MAN1B1: variants seen among roughly 807,000 people sequenced by gnomAD.
MAN1B1 encodes mannosidase alpha class 1B member 1, also known as endoplasmic reticulum mannosyl-oligosaccharide 1,2-alpha-mannosidase.
In MAN1B1, 66 loss-of-function variants were observed where a neutral mutation model predicts 75.5. The ratio of observed to expected loss-of-function variants is 0.87; its 90% CI spans 0.72 to 1.07. The LOEUF (loss-of-function observed/expected upper bound fraction) is 1.07, where lower values mean the gene tolerates loss of function less well. Among genes scored for constraint, MAN1B1 ranks in the 50% least tolerant of loss-of-function variants. MAN1B1 has a pLI of 0.00. For missense variants in MAN1B1, 973 were observed against 912.5 expected (o/e 1.07, Z -0.85); for synonymous variants, 453 against 382.8 (o/e 1.18, Z -2.14).
chr9:137,106,092 CCA>C, intron 8 of MAN1B1, 31 bp from the exon 9 acceptor site: 1 of 1,582,632 alleles, frequency 6.3e-7, no homozygotes, highest in Non-Finnish European at 8.7e-7. Context: ...TCGGCCCTGG[CCA>C]GTAAACCCAC....
chr9:137,104,647 T>G (rs181112120), intron 8 of MAN1B1: 2 of 169,718 alleles, frequency 1.2e-5, no homozygotes, highest in Non-Finnish European at 2.6e-5. Context: ...TAGGCCACTT[T>G]TTGTTTAATC....
rs1234842738 is a variant in MAN1B1 at position 137,101,097 on chromosome 9, G to T, written c.1009G>T (p.Gly337Trp). 6.2e-7 allele frequency: 1 copy of T among 1,614,140 alleles called. No individual in the cohort carries two copies. Among genetic ancestry groups the T allele is most frequent in the Admixed American group, 1.7e-5 (1 of 60,020 alleles). The change falls in exon 7 of 13, where the codon GGG (glycine) becomes TGG (tryptophan). Residue 337 changes from glycine (G) to tryptophan (W), a missense_variant. Physicochemically the swap from Gly to Trp is radical, Grantham distance 184. Transcript: ENST00000371589. Reference protein sequence around the residue: ...NLFESTIRILGGLLSAYHLSG... With the variant: ...NLFESTIRILWGLLSAYHLSG... ...GTTTGAGAGCACGATCCGCATCCTG[G>T]GGGGGCTCCTGAGTGCCTACCACCT... is the stretch of plus-strand genomic sequence containing the variant.
rs200200020 is a variant in MAN1B1 at position 137,088,052 on chromosome 9, G to A, written c.220-23G>A. ...CCGTGTGATATATTCAGTAAGAAAT[G>A]TCATTCTCTGTACCTCCCTTAGAAA... On this transcript the variant is annotated intron_variant, in intron 1 of 12. Transcript: ENST00000371589. 170 of 1,566,564 alleles carry A rather than the reference G, an allele frequency of 1.1e-4. 1 individual carries two copies. The highest frequency in any genetic ancestry group is 1.9e-5 in the Non-Finnish European group (22 of 1,136,696).
chr9:137,107,001 G>A lies in MAN1B1; in HGVS notation c.1566+192G>A, dbSNP rs143312713. Among the ~76,000 whole-genome samples the A allele has an allele frequency of 2.9e-3, 437 of 152,360 alleles. 3 individuals carry two copies. The highest frequency in any genetic ancestry group is 0.01 in the African/African-American group (419 of 41,588). On this transcript the variant is annotated intron_variant, in intron 10 of 12. Coordinates refer to ENST00000371589, the MANE Select transcript of MAN1B1 (RefSeq NM_016219.5). ...AGGCCTTGTGTGGCACCTGGGGTGG[G>A]CAGGGCTTCCCCAGGGCAGCTCCCT...
At chr9:137,091,578 G>C (rs1269385725) in intron 3 of MAN1B1, among the ~76,000 whole-genome samples, 1 of 132,114 alleles carries the variant, frequency 7.6e-6, no homozygotes, top group Non-Finnish European at 1.6e-5. Flanking sequence ...CCAGGCTGCA[G>C]TGCAGTAGCG....
chr9:137,100,013 G>C, intron 6 of MAN1B1, 132 bp downstream of exon 6: 1 of 1,032,250 alleles, frequency 9.7e-7, no homozygotes, highest in East Asian at 2.4e-5. Context: ...TCCTGGGTGC[G>C]GGAGTGGACG....
intron 3 of MAN1B1, among the ~76,000 whole-genome samples, chr9:137,094,986 G>A (rs1306343992): frequency 2.0e-5 from 3 of 150,168 alleles, no homozygotes; most frequent in East Asian, 4.0e-4. Flanking sequence ...TCAGGAGTTC[G>A]AGACCAGCCT....
chr9:137,105,807 A>T (rs1831071836), intron 8 of MAN1B1: 1 of 525,358 alleles, frequency 1.9e-6, no homozygotes, highest in Non-Finnish European at 3.6e-6. Flanking sequence ...GGCTCTCGTG[A>T]GGACAGTGCC....
chr9:137,100,318 T>G (rs1830773763), intron 6 of MAN1B1, among the ~76,000 whole-genome samples: 1 of 152,240 alleles, frequency 6.6e-6, no homozygotes, highest in South Asian at 2.1e-4. Context: ...TTGAATAGGT[T>G]GAAGACCACC....
intron 6 of MAN1B1, among the ~76,000 whole-genome samples, chr9:137,100,411 C>T (rs7849827): frequency 1.9e-3 from 296 of 152,304 alleles, no homozygotes; most frequent in African/African-American, 6.8e-3. Context: ...CTGCTGACTC[C>T]GTTTTATTAA....
chr9:137,099,189 G>C (rs760159148), intron 5 of MAN1B1, among the ~76,000 whole-genome samples: 1 of 152,258 alleles, frequency 6.6e-6, no homozygotes, highest in African/African-American at 2.4e-5. Context: ...TGCGATTCCC[G>C]TGGAGCACCT....
chr9:137,105,782 C>T (rs1293762915), intron 8 of MAN1B1: 18 of 468,022 alleles, frequency 3.8e-5, no homozygotes, highest in East Asian at 2.2e-4. Flanking sequence ...CCATGGCTGA[C>T]GGCCAGGCCT....
intron 8 of MAN1B1, 65 bp downstream of exon 8, chr9:137,101,737 G>A (rs1830819628): frequency 4.6e-6 from 7 of 1,524,014 alleles, no homozygotes; most frequent in African/African-American, 1.4e-5. Flanking sequence ...CATCACAGCA[G>A]GTACTGTGTG....
rs1213293334 is a variant in MAN1B1 at position 137,101,153 on chromosome 9, TGTAA to T, written c.1065+3_1065+6del. 2.5e-6 allele frequency: 4 copies of T among 1,613,794 alleles called. No homozygotes were observed. Among genetic ancestry groups the T allele is most frequent in the East Asian group, 2.2e-5 (1 of 44,882 alleles). On this transcript the variant is annotated splice_donor_variant and splice_donor_region_variant and intron_variant, in intron 7 of 12. Transcript: ENST00000371589. LOFTEE classifies it high-confidence loss of function. ...GGGACAGCCTCTTCCTGAGGAAAGC[TGTAA>T]GTGTCTTGGGGTGTCCTGCAGGGAG...
chr9:137,088,291 G>A (rs773121652), intron 2 of MAN1B1, 108 bp downstream of exon 2: 3 of 1,610,522 alleles, frequency 1.9e-6, no homozygotes, highest in Non-Finnish European at 2.5e-6. Context: ...ATATGGCAAC[G>A]AATTGGCAAG....
Position 137,108,560 on chromosome 9 carries a change from C to A in MAN1B1, c.2069C>A (p.Ala690Asp). 1 of 1,613,868 alleles carries A rather than the reference C, an allele frequency of 6.2e-7. No homozygotes were observed. Among genetic ancestry groups the A allele is most frequent in the Non-Finnish European group, 8.5e-7 (1 of 1,179,992 alleles). The change falls in exon 13 of 13, where the codon GCC (alanine) becomes GAC (aspartate). Residue 690 changes from alanine (A) to aspartate (D), a missense_variant. Coordinates refer to ENST00000371589, the MANE Select transcript of MAN1B1 (RefSeq NM_016219.5). ...GATGCCTACGTGTTCAACACCGAAG[C>A]CCACCCTCTGCCTATCTGGACCCCT... ...SLDAYVFNTE[A>D]HPLPIWTPA
intron 3 of MAN1B1, among the ~76,000 whole-genome samples, chr9:137,091,903 C>T (rs1367429881): frequency 6.6e-6 from 1 of 152,172 alleles, no homozygotes; most frequent in Non-Finnish European, 1.5e-5. Flanking sequence ...AGTGATCCTC[C>T]TGCCTCAGTC....
Position 137,109,178 on chromosome 9 carries a change from C to T in MAN1B1, c.*587C>T, listed in dbSNP as rs946716926. 9 of 454,500 alleles carry T rather than the reference C, an allele frequency of 2.0e-5. No individual in the cohort carries two copies. The highest frequency in any genetic ancestry group is 1.9e-4 in the Admixed American group (8 of 42,578). 28.2% of individuals were successfully genotyped at this position (454,500 alleles called of 1,614,324 possible). ...TTCGGTGGAGATAAAAGTTGATTTG[C>T]TCTAACCGCGATGTCGCCTGTGTCT... On this transcript the variant is annotated 3_prime_UTR_variant, in exon 13 of 13. Transcript: ENST00000371589.
intron 12 of MAN1B1, 136 bp downstream of exon 12, chr9:137,107,798 G>A (rs772830446): frequency 2.2e-5 from 28 of 1,298,404 alleles, no homozygotes; most frequent in Admixed American, 9.5e-5. Context: ...CCGCAGCCTC[G>A]GGGTGGCCAC....
Sources: allele counts gnomAD v4.1 joint callset (sites outside exome capture counted in the v4.1 genomes callset), GRCh38; gene constraint gnomAD v4.1.1; transcripts MANE v1.5; gene names NCBI Gene and HGNC (gene_info 2026-07-23, HGNC 2026-07-21).